Variants in TAF4B observed in about 807,000 individuals in gnomAD.
The protein encoded by TAF4B is transcription initiation factor TFIID subunit 4B.
In TAF4B, 38 loss-of-function variants were observed where a neutral mutation model predicts 86.4. The observed-to-expected ratio is 0.44, with a 90% confidence interval of 0.34 to 0.58. The LOEUF (loss-of-function observed/expected upper bound fraction) is 0.58. TAF4B is among the 20% of genes least tolerant of loss of function. The probability of loss-of-function intolerance (pLI) is 0.02; values close to 1 mark genes in which losing one functional copy is unlikely to be tolerated. For synonymous variants in TAF4B, 388 were observed against 391.2 expected, an observed-to-expected ratio of 0.99 and a Z score of 0.10; for missense variants, 988 against 1,027.6, an observed-to-expected ratio of 0.96 and a Z score of 0.53.
At chr18:26,385,844 C>A (rs954939208) in intron 14 of TAF4B, among the ~76,000 whole-genome samples, 1 of 151,980 alleles carries the variant, frequency 6.6e-6, no homozygotes, top group Non-Finnish European at 1.5e-5. Flanking sequence ...GGTGAAAAAG[C>A]AGGTTTGGTT....
chr18:26,250,272 C>T (rs945317017), intron 1 of TAF4B, among the ~76,000 whole-genome samples: 8 of 152,086 alleles, frequency 5.3e-5, no homozygotes, highest in East Asian at 1.9e-4. Context: ...CCGAGGCAGG[C>T]GGATCACGAG....
At chr18:26,245,378 T>A (rs1291130055) in intron 1 of TAF4B, among the ~76,000 whole-genome samples, 1 of 151,692 alleles carries the variant, frequency 6.6e-6, no homozygotes, top group African/African-American at 2.4e-5. Context: ...AAAGAGTGAG[T>A]GGTAGCAAGG....
intron 9 of TAF4B, among the ~76,000 whole-genome samples, chr18:26,310,542 TGA>T (rs1568145112): frequency 6.6e-6 from 1 of 152,180 alleles, no homozygotes; most frequent in Admixed American, 6.5e-5. Context: ...AGGCTCTGCT[TGA>T]GAGAGGTGAA....
At chr18:26,385,343 CAG>C (rs1156341479) in intron 14 of TAF4B, among the ~76,000 whole-genome samples, 21 of 152,210 alleles carry the variant, frequency 1.4e-4, no homozygotes, top group Middle Eastern at 3.4e-3. Flanking sequence ...TAGAGTTCCT[CAG>C]AAGTTTCATT....
chr18:26,315,161 T>TGTCTCTCA (rs2056897012), intron 9 of TAF4B, 68 bp from the exon 10 acceptor site: 27 of 222,930 alleles, frequency 1.2e-4, no homozygotes, highest in South Asian at 3.2e-4. Context: ...TCTCTCTCTC[T>TGTCTCTCA]CACACACACA....
chr18:26,389,653 A>T (rs1978589614), intron 14 of TAF4B, among the ~76,000 whole-genome samples, 192 bp from the exon 15 acceptor site: 1 of 152,208 alleles, frequency 6.6e-6, no homozygotes. Flanking sequence ...AGAATGAATG[A>T]GGTCAGGTGA....
chr18:26,256,579 A>C (rs1313770315), intron 1 of TAF4B, among the ~76,000 whole-genome samples: 1 of 151,544 alleles, frequency 6.6e-6, no homozygotes. Flanking sequence ...TTCTTTTTCC[A>C]GTGTCTTAAG....
At chr18:26,339,371 GCT>G (rs2057118732) in intron 13 of TAF4B, among the ~76,000 whole-genome samples, 1 of 152,102 alleles carries the variant, frequency 6.6e-6, no homozygotes, top group Non-Finnish European at 1.5e-5. Flanking sequence ...TGTCACCCAG[GCT>G]GGAGCGCAGT....
chr18:26,254,986 C>A (rs774554311), intron 1 of TAF4B, among the ~76,000 whole-genome samples: 4 of 152,076 alleles, frequency 2.6e-5, no homozygotes, highest in Non-Finnish European at 5.9e-5. Context: ...TTAACAGCTG[C>A]CTCTAGGGGC....
At chr18:26,295,468 C>A (rs900701546) in intron 9 of TAF4B, among the ~76,000 whole-genome samples, 4 of 152,178 alleles carry the variant, frequency 2.6e-5, no homozygotes, top group African/African-American at 9.7e-5. Flanking sequence ...AGCACACAAC[C>A]TAGATCTCTC....
At chr18:26,379,965 C>A (rs951514053) in intron 14 of TAF4B, among the ~76,000 whole-genome samples, 9 of 152,006 alleles carry the variant, frequency 5.9e-5, no homozygotes, top group African/African-American at 1.9e-4. Context: ...TTGTTTGTTG[C>A]TAACATATCA....
At chr18:26,293,297 A>G (rs1223128099) in intron 8 of TAF4B, 129 bp from the exon 9 acceptor site, 2 of 575,798 alleles carry the variant, frequency 3.5e-6, no homozygotes, top group African/African-American at 2.0e-5. Context: ...GAATTTAAAC[A>G]TAGTTCTAGG....
At chr18:26,365,233 C>G (rs1414299033) in intron 14 of TAF4B, among the ~76,000 whole-genome samples, 2 of 152,108 alleles carry the variant, frequency 1.3e-5, no homozygotes, top group Non-Finnish European at 2.9e-5. Context: ...TCTTGAACTC[C>G]TGACCTCAGG....
intron 14 of TAF4B, among the ~76,000 whole-genome samples, chr18:26,358,221 T>G (rs2057303640): frequency 6.6e-6 from 1 of 152,216 alleles, no homozygotes. Flanking sequence ...TTTCTGAGTA[T>G]ATGTGTTTGC....
chr18:26,342,584 A>G (rs2057145083), intron 13 of TAF4B, among the ~76,000 whole-genome samples: 1 of 152,206 alleles, frequency 6.6e-6, no homozygotes, highest in Non-Finnish European at 1.5e-5. Context: ...TAATTTCTTA[A>G]TGTTTTTTGG....
intron 9 of TAF4B, among the ~76,000 whole-genome samples, chr18:26,307,703 T>A (rs2056808959): frequency 6.6e-6 from 1 of 152,222 alleles, no homozygotes; most frequent in Admixed American, 6.5e-5. Context: ...TTTGCATAGA[T>A]GGTATTACTC....
chr18:26,254,078 A>G (rs2144506356), intron 1 of TAF4B, among the ~76,000 whole-genome samples: 1 of 151,962 alleles, frequency 6.6e-6, no homozygotes, highest in Admixed American at 6.6e-5. Context: ...GGCATGTGCC[A>G]CCATGCCTGG....
intron 1 of TAF4B, among the ~76,000 whole-genome samples, chr18:26,235,474 G>A (rs1034891790): frequency 6.6e-6 from 1 of 152,180 alleles, no homozygotes; most frequent in African/African-American, 2.4e-5. Flanking sequence ...CCCTTGATTA[G>A]CTAGAAAGTT....
At chr18:26,277,182 C>G (rs528367779) in intron 5 of TAF4B, among the ~76,000 whole-genome samples, 1 of 152,080 alleles carries the variant, frequency 6.6e-6, no homozygotes, top group Non-Finnish European at 1.5e-5. Context: ...CTCCTGGGAT[C>G]AAGCAATCCT....
Sources: gnomAD v4.1 joint callset for allele counts (sites outside exome capture counted in the v4.1 genomes callset) on GRCh38, gnomAD v4.1.1 for gene constraint, MANE v1.5 for transcripts, NCBI Gene and HGNC (gene_info 2026-07-23, HGNC 2026-07-21) for gene names.